Variants in LDHA observed in about 807,000 individuals in gnomAD.
The protein encoded by LDHA is lactate dehydrogenase A.
LDHA carries 10 observed loss-of-function variants against 36.3 expected under a neutral mutation model. The observed-to-expected ratio is 0.28, with a 90% confidence interval of 0.17 to 0.47. The LOEUF is 0.47. Among genes scored for constraint, LDHA ranks in the 20% least tolerant of loss-of-function variants. The pLI, the probability that LDHA is intolerant of heterozygous loss-of-function variation, is 0.99. For missense variants in LDHA, 267 were observed against 405.8 expected, an observed-to-expected ratio of 0.66 and a Z score of 2.94; for synonymous variants, 110 against 136.7, an observed-to-expected ratio of 0.80 and a Z score of 1.36.
At chr11:18,395,593 A>G (rs1459562228) in intron 1 of LDHA, among the ~76,000 whole-genome samples, 2 of 152,194 alleles carry the variant, frequency 1.3e-5, no homozygotes, top group Non-Finnish European at 1.5e-5. Context: ...ATTTGTAAGG[A>G]GAGACCCGGC....
At chr11:18,403,401 G>A (rs1044360982) in intron 5 of LDHA, among the ~76,000 whole-genome samples, 1 of 152,098 alleles carries the variant, frequency 6.6e-6, no homozygotes, top group African/African-American at 2.4e-5. Context: ...GGTTCTGTAT[G>A]CTAAGAAAAC....
intron 4 of LDHA, 76 bp from the exon 5 acceptor site, chr11:18,402,764 T>G (rs1866550576): frequency 8.8e-7 from 1 of 1,131,586 alleles, no homozygotes; most frequent in African/African-American, 1.5e-5. Context: ...GTTAAGTGTT[T>G]TCTTCATAGT....
intron 1 of LDHA, chr11:18,396,555 A>C: frequency 3.0e-6 from 4 of 1,344,470 alleles, no homozygotes; most frequent in Non-Finnish European, 3.8e-6. Context: ...GCGATGGGTG[A>C]ACCCTCAGGA....
chr11:18,407,672 C>T lies in LDHA; in HGVS notation c.*391C>T, dbSNP rs1467990582. 1.8e-6 allele frequency: 1 copy of T among 549,336 alleles called. No individual in the cohort carries two copies. The highest frequency in any genetic ancestry group is 2.2e-5 in the Admixed American group (1 of 45,130). The allele number at this position is 549,336 out of a possible 1,614,324, so 34.0% of individuals were successfully genotyped here. On this transcript the variant is annotated 3_prime_UTR_variant, in exon 8 of 8. Transcript: ENST00000422447. ...TTCCCAGTGAGTCACATCCTGGGATCCAGTGTATAAATCCAATATCATGTC... is the reference window on the plus strand; with the variant it reads ...TTCCCAGTGAGTCACATCCTGGGATTCAGTGTATAAATCCAATATCATGTC...
intron 4 of LDHA, among the ~76,000 whole-genome samples, chr11:18,401,955 C>CTCTCTCTCTTTT (rs59534512): frequency 3.8e-5 from 2 of 52,256 alleles, no homozygotes; most frequent in African/African-American, 6.1e-5. Flanking sequence ...TTGTTATTCT[C>CTCTCTCTCTTTT]TTTTTTTTTT....
chr11:18,399,978 A>T (rs974106313), intron 3 of LDHA: 4 of 194,068 alleles, frequency 2.1e-5, no homozygotes, highest in Non-Finnish European at 4.3e-5. Flanking sequence ...GCCTGGGAAC[A>T]ATTTCACTTA....
rs199895561 is a variant in LDHA at position 18,394,592 on chromosome 11, T to A, written c.-69T>A. 5.7e-5 allele frequency: 26 copies of A among 453,894 alleles called. No homozygotes were observed. Among genetic ancestry groups the A allele is most frequent in the Non-Finnish European group, 1.0e-4 (23 of 226,794 alleles). The allele number at this position is 453,894 out of a possible 1,614,324, so 28.1% of individuals were successfully genotyped here. ...TGCAGCCGCTGCCGCCGATTCCGGA[T>A]CTCATTGCCACGCGCCCCCGACGAC... is the stretch of plus-strand genomic sequence containing the variant. On this transcript the variant is annotated 5_prime_UTR_variant, in exon 1 of 8. Transcript: ENST00000422447.
intron 6 of LDHA, 83 bp downstream of exon 6, chr11:18,403,894 C>A: frequency 1.2e-6 from 1 of 851,852 alleles, no homozygotes. Context: ...ATAGTATTTG[C>A]ATTTGAGAAC....
chr11:18,402,073 CA>C (rs200480390), intron 4 of LDHA, among the ~76,000 whole-genome samples: 2,286 of 149,508 alleles, frequency 0.015, 61 homozygotes, highest in African/African-American at 0.053. Flanking sequence ...TCTCCTGCCT[CA>C]GCCTCCCAAG....
chr11:18,396,382 G>A (rs757980047), intron 1 of LDHA: 147 of 401,008 alleles, frequency 3.7e-4, no homozygotes, highest in Non-Finnish European at 5.7e-4. Flanking sequence ...ATCACCGCAG[G>A]CTCCTGTGCC....
chr11:18,398,122 T>C (rs1301606383), intron 2 of LDHA, among the ~76,000 whole-genome samples: 7 of 152,310 alleles, frequency 4.6e-5, no homozygotes, highest in Non-Finnish European at 1.0e-4. Flanking sequence ...ACTCATTATA[T>C]TGTGGATGAT....
At chr11:18,405,322 T>G in intron 6 of LDHA, 127 bp from the exon 7 acceptor site, 1 of 939,758 alleles carries the variant, frequency 1.1e-6, no homozygotes, top group Non-Finnish European at 1.7e-6. Flanking sequence ...TGTGCAAGGG[T>G]TATTCTTGGT....
intron 6 of LDHA, 70 bp downstream of exon 6, chr11:18,403,881 G>A: frequency 2.1e-6 from 2 of 941,712 alleles, no homozygotes; most frequent in Middle Eastern, 2.2e-4. Flanking sequence ...GGTTAAAATT[G>A]TAATAGTATT....
chr11:18,401,478 T>TC (rs1240900621), intron 4 of LDHA, among the ~76,000 whole-genome samples: 1 of 87,768 alleles, frequency 1.1e-5, no homozygotes, highest in African/African-American at 4.4e-5. Flanking sequence ...TTTTTCTTTT[T>TC]TTTTTTTTTT....
At chr11:18,404,544 C>T (rs373733667) in intron 6 of LDHA, among the ~76,000 whole-genome samples, 1 of 152,082 alleles carries the variant, frequency 6.6e-6, no homozygotes, top group East Asian at 1.9e-4. Context: ...CATGGTGGCT[C>T]ATGCCTGTAA....
At chr11:18,399,073 A>T in intron 2 of LDHA, 3 of 280,024 alleles carry the variant, frequency 1.1e-5, no homozygotes, top group Non-Finnish European at 2.1e-5. Flanking sequence ...ATGAATAACA[A>T]CCTAAAATTG....
At chr11:18,396,573 CT>C in intron 1 of LDHA, 12 of 1,386,770 alleles carry the variant, frequency 8.7e-6, no homozygotes, top group Non-Finnish European at 1.0e-5. Context: ...GGAGGCTATA[CT>C]TACACCCAAA....
chr11:18,397,782 G>T (rs948386416), intron 2 of LDHA, among the ~76,000 whole-genome samples: 3 of 152,072 alleles, frequency 2.0e-5, no homozygotes, highest in African/African-American at 7.2e-5. Context: ...CTCCACTCCA[G>T]CCTGGGCGAC....
chr11:18,403,337 G>T (rs754308436), intron 5 of LDHA, among the ~76,000 whole-genome samples: 14 of 152,040 alleles, frequency 9.2e-5, no homozygotes, highest in African/African-American at 3.4e-4. Context: ...GAAAAGATGA[G>T]CAAATCCAAA....
Sources: allele counts gnomAD v4.1 joint callset (sites outside exome capture counted in the v4.1 genomes callset), GRCh38; gene constraint gnomAD v4.1.1; transcripts MANE v1.5; gene names NCBI Gene and HGNC (gene_info 2026-07-23, HGNC 2026-07-21).